Variants in MYO1E observed in about 807,000 individuals in gnomAD.
MYO1E encodes the protein unconventional myosin-Ie.
Under a neutral mutation model 151.1 loss-of-function variants are expected in MYO1E, and 68 were observed. That is an observed-to-expected ratio of 0.45 (90% CI 0.37 to 0.55). The LOEUF (loss-of-function observed/expected upper bound fraction) is 0.55. MYO1E is among the 20% of genes least tolerant of loss of function. The pLI is 0.00. For synonymous variants in MYO1E, 601 were observed against 501.7 expected (o/e 1.20, Z -2.64); for missense variants, 1,363 against 1,389.3 (o/e 0.98, Z 0.30).
intron 16 of MYO1E, among the ~76,000 whole-genome samples, chr15:59,201,325 G>C (rs60836653): frequency 0.051 from 7,772 of 151,454 alleles, 228 homozygotes; most frequent in Middle Eastern, 0.08. Context: ...AACTCCTGGG[G>C]TCAAGTAATC....
intron 1 of MYO1E, among the ~76,000 whole-genome samples, chr15:59,337,347 G>A (rs1374075764): frequency 1.3e-5 from 2 of 152,152 alleles, no homozygotes; most frequent in Non-Finnish European, 2.9e-5. Context: ...CAGGAATGGA[G>A]TTGTGTTATC....
intron 4 of MYO1E, among the ~76,000 whole-genome samples, chr15:59,244,296 G>GT (rs1270762083): frequency 1.3e-5 from 2 of 152,340 alleles, no homozygotes; most frequent in Non-Finnish European, 2.9e-5. Context: ...CCAATGTTGA[G>GT]TATGAAGACC....
chr15:59,213,008 C>T (rs892283677), intron 12 of MYO1E, among the ~76,000 whole-genome samples: 8 of 152,112 alleles, frequency 5.3e-5, no homozygotes, highest in Middle Eastern at 3.4e-3. Context: ...ACTCTGGGCT[C>T]CACAACTGGG....
intron 3 of MYO1E, among the ~76,000 whole-genome samples, chr15:59,256,817 AC>A (rs2140370966): frequency 6.6e-6 from 1 of 152,290 alleles, no homozygotes; most frequent in South Asian, 2.1e-4. Flanking sequence ...CTAAACTCTT[AC>A]ATAATTTTTT....
At chr15:59,367,008 A>C (rs1470806452) in intron 1 of MYO1E, among the ~76,000 whole-genome samples, 3 of 150,728 alleles carry the variant, frequency 2.0e-5, no homozygotes, top group East Asian at 3.9e-4. Flanking sequence ...AAAAAAAAAA[A>C]AAAAAAAAAA....
intron 19 of MYO1E, among the ~76,000 whole-genome samples, chr15:59,174,536 G>A (rs1480526239): frequency 6.6e-6 from 1 of 152,106 alleles, no homozygotes; most frequent in East Asian, 1.9e-4. Flanking sequence ...TCGAATGAGC[G>A]ATTCAATGCT....
chr15:59,244,865 G>A (rs1377824353), intron 4 of MYO1E, among the ~76,000 whole-genome samples: 2 of 152,204 alleles, frequency 1.3e-5, no homozygotes, highest in Non-Finnish European at 2.9e-5. Context: ...TTATGTTTAT[G>A]GGTAATATAT....
At chr15:59,305,698 T>G (rs368120242) in intron 1 of MYO1E, among the ~76,000 whole-genome samples, 88 of 152,324 alleles carry the variant, frequency 5.8e-4, no homozygotes, top group African/African-American at 2.1e-3. Context: ...TGGCAGCAAT[T>G]GTGAGCTGTG....
At chr15:59,331,400 T>C (rs7162692) in intron 1 of MYO1E, among the ~76,000 whole-genome samples, 2,415 of 152,194 alleles carry the variant, frequency 0.016, 64 homozygotes, top group African/African-American at 0.054. Flanking sequence ...AGAGCACTGA[T>C]ATGAGAAATC....
chr15:59,293,591 A>C (rs1313148267), intron 1 of MYO1E, among the ~76,000 whole-genome samples: 2 of 152,178 alleles, frequency 1.3e-5, no homozygotes, highest in Non-Finnish European at 2.9e-5. Context: ...AAATTAAAAA[A>C]TATGTATAAA....
At position 59,134,104 on chromosome 15, in the gene MYO1E, A is replaced by ATGAC. The variant is rs1482345057; in HGVS notation, c.*3272_*3275dup. ...TCCAGCCCCCTTGAGTTGAGGCCACATGACTAAGCTCTGGCCAGCAGAATA... is the reference window on the plus strand; with the variant it reads ...TCCAGCCCCCTTGAGTTGAGGCCACATGACTGACTAAGCTCTGGCCAGCAGAATA... On this transcript the variant is annotated 3_prime_UTR_variant, in exon 28 of 28. Coordinates refer to ENST00000288235, the MANE Select transcript of MYO1E (RefSeq NM_004998.4). The ATGAC allele has an allele frequency of 1.3e-5, 2 of 152,312 alleles. No homozygotes were observed. The highest frequency in any genetic ancestry group is 4.8e-5 in the African/African-American group (2 of 41,448). 9.4% of individuals were successfully genotyped at this position (152,312 alleles called of 1,614,324 possible). A position where few individuals can be genotyped will look rare whatever the true frequency, so the allele number is the denominator to read the frequency against.
At chr15:59,310,980 C>A (rs547361983) in intron 1 of MYO1E, among the ~76,000 whole-genome samples, 77 of 152,260 alleles carry the variant, frequency 5.1e-4, no homozygotes, top group Non-Finnish European at 1.0e-3. Context: ...GCCTGTCCCA[C>A]GTACTCATGT....
At chr15:59,333,238 C>CTT (rs1371743978) in intron 1 of MYO1E, among the ~76,000 whole-genome samples, 6 of 150,126 alleles carry the variant, frequency 4.0e-5, no homozygotes, top group Non-Finnish European at 8.8e-5. Context: ...TACTTTCTTT[C>CTT]TTTTTCTTTT....
At chr15:59,286,855 G>C (rs1313747018) in intron 1 of MYO1E, among the ~76,000 whole-genome samples, 1 of 152,136 alleles carries the variant, frequency 6.6e-6, no homozygotes, top group African/African-American at 2.4e-5. Flanking sequence ...GGGGCCTTTA[G>C]GGTATCAATG....
At chr15:59,193,182 C>T (rs1436240957) in intron 17 of MYO1E, among the ~76,000 whole-genome samples, 8 of 150,980 alleles carry the variant, frequency 5.3e-5, no homozygotes, top group African/African-American at 2.0e-4. Flanking sequence ...CTGAGACCCA[C>T]TGCATCAGAA....
chr15:59,218,339 C>A, intron 9 of MYO1E: 2 of 619,432 alleles, frequency 3.2e-6, no homozygotes. Context: ...TCCAATAATA[C>A]AAATCAGGGA....
At position 59,233,708 on chromosome 15, in the gene MYO1E, T is replaced by G. The variant is rs188624405; in HGVS notation, c.421-1917A>C. ...AAAGGCAGCAAAACAGCATCCTGGA[T>G]TCTTGTCTCCATGTCAACCCTCTCA... On this transcript the variant is annotated intron_variant, in intron 5 of 27. Coordinates refer to ENST00000288235, the MANE Select transcript of MYO1E (RefSeq NM_004998.4). 3.4e-5 allele frequency among the ~76,000 whole-genome samples: 5 copies of G among 147,024 alleles called. No individual in the cohort carries two copies. In the East Asian group the frequency reaches 9.9e-4, roughly 29 times the overall value.
intron 14 of MYO1E, chr15:59,207,254 A>G: frequency 6.2e-7 from 1 of 1,614,218 alleles, no homozygotes; most frequent in Non-Finnish European, 8.5e-7. Flanking sequence ...CTTGATGAAG[A>G]CAAACTGAAG....
chr15:59,268,600 T>C (rs142762250), intron 2 of MYO1E, among the ~76,000 whole-genome samples: 1 of 152,244 alleles, frequency 6.6e-6, no homozygotes, highest in East Asian at 1.9e-4. Context: ...GATGCCATTT[T>C]TGTTAAAATT....
Sources: gnomAD v4.1 joint callset for allele counts (sites outside exome capture counted in the v4.1 genomes callset) on GRCh38, gnomAD v4.1.1 for gene constraint, MANE v1.5 for transcripts, NCBI Gene and HGNC (gene_info 2026-07-23, HGNC 2026-07-21) for gene names.